Variants in C2CD2 observed in about 807,000 individuals in gnomAD.
The protein encoded by C2CD2 is C2 domain-containing protein 2.
In C2CD2, 43 loss-of-function variants were observed where a neutral mutation model predicts 74.3. The observed-to-expected ratio is 0.58, with a 90% CI of 0.45 to 0.75. The LOEUF is 0.75. Among genes scored for constraint, C2CD2 ranks in the 30% least tolerant of loss-of-function variants. The pLI is 0.00. For missense variants in C2CD2, 801 were observed against 916.3 expected, an observed-to-expected ratio of 0.87 and a Z score of 1.63; for synonymous variants, 422 against 390.7, an observed-to-expected ratio of 1.08 and a Z score of -0.94.
intron 2 of C2CD2, among the ~76,000 whole-genome samples, chr21:41,927,452 C>T (rs781719421): frequency 7.9e-5 from 12 of 151,894 alleles, no homozygotes; most frequent in Non-Finnish European, 1.0e-4. Context: ...ACCACCGCAC[C>T]GGGCTTAAAA....
chr21:41,947,504 C>G (rs1288924441), intron 1 of C2CD2, among the ~76,000 whole-genome samples: 1 of 152,128 alleles, frequency 6.6e-6, no homozygotes, highest in Non-Finnish European at 1.5e-5. Flanking sequence ...TGTTATGAAT[C>G]ATAGTAACAT....
chr21:41,952,724 G>A (rs13046500), intron 1 of C2CD2, among the ~76,000 whole-genome samples: 43,676 of 152,130 alleles, frequency 0.29, 6,630 homozygotes, highest in Middle Eastern at 0.48. Context: ...CAGCTCTGCC[G>A]CCCACGAGCT....
At chr21:41,918,335 T>G in intron 4 of C2CD2, 108 bp from the exon 5 acceptor site, 274 of 1,049,306 alleles carry the variant, frequency 2.6e-4, no homozygotes, top group Non-Finnish European at 3.5e-4. Flanking sequence ...AGGAAGGAAA[T>G]TACCTTCAGA....
In C2CD2 at chr21:41,947,436, C is replaced by T. The variant is rs1354414439; in HGVS notation, c.280-5191G>A. On this transcript the variant is annotated intron_variant, in intron 1 of 13. Coordinates refer to ENST00000380486, the MANE Select transcript of C2CD2 (RefSeq NM_015500.2). ...TCTCCCAAAGTGCTGGGATTACAGG[C>T]GTGAGCCACTGCGCCTGGCCTAATT... 3.9e-5 allele frequency among the ~76,000 whole-genome samples: 6 copies of T among 152,026 alleles called. No individual in the cohort carries two copies. The East Asian group carries it at 7.7e-4, about 20-fold the overall frequency.
At chr21:41,938,145 T>C (rs2065323930) in intron 2 of C2CD2, among the ~76,000 whole-genome samples, 1 of 151,524 alleles carries the variant, frequency 6.6e-6, no homozygotes, top group African/African-American at 2.4e-5. Flanking sequence ...ATCTGTATGT[T>C]AGATTTAGCC....
In C2CD2 at chr21:41,953,783, A is replaced by G. The variant is rs979494196; in HGVS notation, c.-135T>C. The G allele has an allele frequency of 7.2e-6, 6 of 827,868 alleles. No individual in the cohort carries two copies. The African/African-American group carries it at 9.0e-5, about 12-fold the overall frequency. 51.3% of individuals were successfully genotyped at this position (827,868 alleles called of 1,614,324 possible). A position where few individuals can be genotyped will look rare whatever the true frequency, so the allele number is the denominator to read the frequency against. On this transcript the variant is annotated 5_prime_UTR_variant, in exon 1 of 14. Coordinates refer to ENST00000380486, the MANE Select transcript of C2CD2 (RefSeq NM_015500.2). Reference sequence around the variant, plus strand: ...GGCGCGGCGGGGTCGGAGCCCGGCGAGGAGCGTGGCCGGGGGCCTCTGGGC... The same window carrying G: ...GGCGCGGCGGGGTCGGAGCCCGGCGGGGAGCGTGGCCGGGGGCCTCTGGGC...
intron 13 of C2CD2, among the ~76,000 whole-genome samples, chr21:41,897,525 G>T (rs2064838091): frequency 6.6e-6 from 1 of 152,216 alleles, no homozygotes; most frequent in African/African-American, 2.4e-5. Flanking sequence ...TCAGCGTGCA[G>T]CTTACAGCCC....
chr21:41,943,113 C>A, intron 1 of C2CD2: 1 of 165,590 alleles, frequency 6.0e-6, no homozygotes, highest in Non-Finnish European at 1.2e-5. Context: ...CCAGCCTGGC[C>A]AACACGGTGA....
At position 41,921,956 on chromosome 21, in the gene C2CD2, G is replaced by A. The variant is rs896484804; in HGVS notation, c.492+16C>T. On this transcript the variant is annotated intron_variant, in intron 3 of 13. Coordinates refer to ENST00000380486, the MANE Select transcript of C2CD2 (RefSeq NM_015500.2). ...TGTGACGGGTCTCATAACTTGCAAAGTCTACACATCTTTACCTGTAAATGG... is the reference window on the plus strand; with the variant it reads ...TGTGACGGGTCTCATAACTTGCAAAATCTACACATCTTTACCTGTAAATGG... 1.2e-5 allele frequency: 19 copies of A among 1,544,640 alleles called. No homozygotes were observed. The highest frequency in any genetic ancestry group is 1.4e-5 in the Non-Finnish European group (16 of 1,117,188).
rs1601556893 is a variant in C2CD2, at chr21:41,903,130, G to T, written c.1433-1381C>A. Among the ~76,000 whole-genome samples, 1 of 152,162 alleles carries T rather than the reference G, an allele frequency of 6.6e-6. No homozygotes were observed. Among genetic ancestry groups the T allele is most frequent in the East Asian group, 1.9e-4 (1 of 5,202 alleles). ...CGCATGCACGTACTGGGAAAGGGGC[G>T]ACTCCACGGAGATCAAAGCTCCCAC... On this transcript the variant is annotated intron_variant, in intron 11 of 13. Coordinates refer to ENST00000380486, the MANE Select transcript of C2CD2 (RefSeq NM_015500.2). The surrounding 1 kb of genome is among the most constrained non-coding windows in gnomAD (Gnocchi z 4.5).
rs1234826838 is a variant in C2CD2 at position 41,924,986 on chromosome 21, C to T, written c.379-2901G>A. On this transcript the variant is annotated intron_variant, in intron 2 of 13. Coordinates refer to ENST00000380486, the MANE Select transcript of C2CD2 (RefSeq NM_015500.2). This position sits in a 1 kb window ranked among gnomAD's most constrained non-coding sequence, Gnocchi z 4.4. ...ACTTCTAGAATGCGGGACTCCAAAG[C>T]TCATAAGTAATCACTGAAGCCCCAT... Among the ~76,000 whole-genome samples the T allele has an allele frequency of 6.6e-6, 1 of 152,156 alleles. No homozygotes were observed. The highest frequency in any genetic ancestry group is 1.5e-5 in the Non-Finnish European group (1 of 68,032).
intron 7 of C2CD2, 64 bp downstream of exon 7, chr21:41,912,268 G>A: frequency 1.1e-6 from 1 of 947,232 alleles, no homozygotes; most frequent in Non-Finnish European, 1.7e-6. Context: ...AATGATTTCA[G>A]GATTTGGCGC....
chr21:41,953,342 C>G, intron 1 of C2CD2, 28 bp downstream of exon 1: 4 of 1,375,338 alleles, frequency 2.9e-6, no homozygotes, highest in Non-Finnish European at 2.8e-6. Context: ...CATCTGCCGC[C>G]CCCCGGCCCG....
rs1569071796 is a variant in C2CD2 at position 41,919,048 on chromosome 21, G to GAGCA, written c.493-89_493-88insTGCT. On this transcript the variant is annotated intron_variant, in intron 3 of 13. Coordinates refer to ENST00000380486, the MANE Select transcript of C2CD2 (RefSeq NM_015500.2). The stretch of plus-strand genomic sequence containing the variant: ...TGTGCATGTGACTGTGTGAGCATGT[G>GAGCA]TGTGTGCATATATGCATGTGAGCAT... 2.0e-4 allele frequency: 152 copies of GAGCA among 757,060 alleles called. 1 individual carries two copies. In the East Asian group the frequency reaches 2.9e-3, roughly 14 times the overall value. 46.9% of individuals were successfully genotyped at this position (757,060 alleles called of 1,614,324 possible).
At chr21:41,931,185 C>G (rs897957320) in intron 2 of C2CD2, among the ~76,000 whole-genome samples, 1 of 150,456 alleles carries the variant, frequency 6.6e-6, no homozygotes, top group African/African-American at 2.4e-5. Flanking sequence ...TGCCTCCAAG[C>G]CAGCCCTCAC....
rs532037060 is a variant in C2CD2, at chr21:41,939,119, T to C, written c.378+3028A>G. Among the ~76,000 whole-genome samples, 1 of 152,298 alleles carries C rather than the reference T, an allele frequency of 6.6e-6. No homozygotes were observed. Among genetic ancestry groups the C allele is most frequent in the South Asian group, 2.1e-4 (1 of 4,824 alleles). ...CACAGTTTATTGATCTATTCGCCCA[T>C]CAGTGGGCCCTTGGGTTCCTTCCAC... On this transcript the variant is annotated intron_variant, in intron 2 of 13. Transcript: ENST00000380486. This position sits in a 1 kb window ranked among gnomAD's most constrained non-coding sequence, Gnocchi z 5.5.
chr21:41,944,317 C>CCTGG (rs1454231351), intron 1 of C2CD2, among the ~76,000 whole-genome samples: 2 of 151,994 alleles, frequency 1.3e-5, no homozygotes, highest in African/African-American at 4.8e-5. Context: ...TCGAGACCAT[C>CCTGG]CTGGCTAACA....
At chr21:41,916,664 TAC>T (rs10580778) in intron 5 of C2CD2, among the ~76,000 whole-genome samples, 35,424 of 144,274 alleles carry the variant, frequency 0.25, 4,306 homozygotes, top group Non-Finnish European at 0.27. Flanking sequence ...GTGAGCTGAT[TAC>T]ACACACACAC....
chr21:41,918,313 T>A, intron 4 of C2CD2, 86 bp from the exon 5 acceptor site: 3 of 1,400,636 alleles, frequency 2.1e-6, no homozygotes, highest in South Asian at 2.6e-5. Flanking sequence ...ACTAAAACCA[T>A]GCAAAGTAGG....
Sources: gnomAD v4.1 joint callset for allele counts (sites outside exome capture counted in the v4.1 genomes callset) on GRCh38, gnomAD v4.1.1 for gene constraint, Gnocchi (gnomAD v3.1) non-coding constraint, MANE v1.5 for transcripts, NCBI Gene and HGNC (gene_info 2026-07-23, HGNC 2026-07-21) for gene names.